Variants in SLC22A23 observed in about 807,000 individuals in gnomAD.
SLC22A23 encodes the protein ion transporter protein.
In SLC22A23, 26 loss-of-function variants were observed where a neutral mutation model predicts 61.0. The ratio of observed to expected loss-of-function variants is 0.43; its 90% confidence interval spans 0.31 to 0.59. SLC22A23 has a LOEUF of 0.59. Ranked by LOEUF, SLC22A23 falls within the 20% of genes least tolerant of loss-of-function variation. The pLI is 0.11. For missense variants in SLC22A23, 796 were observed against 934.7 expected (o/e 0.85, Z 1.94); for synonymous variants, 430 against 413.9 (o/e 1.04, Z -0.47).
intron 3 of SLC22A23, among the ~76,000 whole-genome samples, chr6:3,402,010 A>G (rs1483369274): frequency 6.6e-6 from 1 of 152,194 alleles, no homozygotes; most frequent in Non-Finnish European, 1.5e-5. Context: ...TCAGAGTAGA[A>G]TGCTTGGGCT....
At chr6:3,366,332 C>CAAAAA (rs11387672) in intron 3 of SLC22A23, among the ~76,000 whole-genome samples, 1,499 of 74,090 alleles carry the variant, frequency 0.02, 148 homozygotes, top group African/African-American at 0.07. Flanking sequence ...GACTCTGTCT[C>CAAAAA]AAAAAAAAAA....
At chr6:3,451,678 T>C (rs376538292) in intron 1 of SLC22A23, among the ~76,000 whole-genome samples, 2 of 152,210 alleles carry the variant, frequency 1.3e-5, no homozygotes, top group East Asian at 3.8e-4. Flanking sequence ...TGTTTGTCCT[T>C]AGCTCTCCAA....
intron 3 of SLC22A23, among the ~76,000 whole-genome samples, chr6:3,326,868 T>C (rs902713379): frequency 6.6e-6 from 1 of 152,218 alleles, no homozygotes; most frequent in Non-Finnish European, 1.5e-5. Context: ...AGGATTGCCA[T>C]TAATCACAAG....
intron 3 of SLC22A23, among the ~76,000 whole-genome samples, chr6:3,400,388 G>A (rs542788984): frequency 5.3e-5 from 8 of 152,316 alleles, no homozygotes; most frequent in Non-Finnish European, 1.0e-4. Flanking sequence ...AGTGGGCCTC[G>A]TGGAAGAGGA....
intron 1 of SLC22A23, among the ~76,000 whole-genome samples, chr6:3,443,206 G>A (rs1479977816): frequency 6.6e-6 from 1 of 152,248 alleles, no homozygotes; most frequent in Non-Finnish European, 1.5e-5. Context: ...CCCTTGCCTA[G>A]CTCTGCAGTG....
intron 5 of SLC22A23, chr6:3,290,860 A>G (rs1160476804): frequency 6.6e-6 from 1 of 152,258 alleles, no homozygotes; most frequent in African/African-American, 2.4e-5. Flanking sequence ...GAGCTAAAAA[A>G]GAAAAGGGAG....
intron 3 of SLC22A23, among the ~76,000 whole-genome samples, chr6:3,339,567 G>A (rs971278097): frequency 6.6e-5 from 10 of 152,150 alleles, no homozygotes; most frequent in African/African-American, 2.4e-4. Flanking sequence ...CAAAAGGCAG[G>A]TCATAAAGAC....
intron 1 of SLC22A23, among the ~76,000 whole-genome samples, chr6:3,425,418 G>A (rs947261205): frequency 6.6e-6 from 1 of 150,910 alleles, no homozygotes; most frequent in African/African-American, 2.4e-5. Context: ...CCGAGTAGCT[G>A]AGACTACAGG....
chr6:3,411,217 C>CA (rs1769217804), intron 2 of SLC22A23, among the ~76,000 whole-genome samples: 1 of 152,106 alleles, frequency 6.6e-6, no homozygotes, highest in African/African-American at 2.4e-5. Flanking sequence ...AATAAAATGG[C>CA]AACAATAACT....
At chr6:3,316,581 T>A (rs752158213) in intron 4 of SLC22A23, among the ~76,000 whole-genome samples, 18 of 152,212 alleles carry the variant, frequency 1.2e-4, no homozygotes, top group Non-Finnish European at 2.2e-4. Flanking sequence ...CTGAGAGCCC[T>A]CACTGGGGAG....
In SLC22A23 at chr6:3,271,012, A is replaced by G. The variant is rs1193217576; in HGVS notation, c.*2043T>C. The G allele has an allele frequency of 6.6e-6, 1 of 152,208 alleles. No homozygotes were observed. Among genetic ancestry groups the G allele is most frequent in the Non-Finnish European group, 1.5e-5 (1 of 68,078 alleles). The allele number at this position is 152,208 out of a possible 1,614,324, so 9.4% of individuals were successfully genotyped here. ...TCAGGGGCCTCGCTGGATCCTTCCCACCTTCCCCAACTGCCTACTGGCCTG... is the reference window on the plus strand; with the variant it reads ...TCAGGGGCCTCGCTGGATCCTTCCCGCCTTCCCCAACTGCCTACTGGCCTG... On this transcript the variant is annotated 3_prime_UTR_variant, in exon 10 of 10. Coordinates refer to ENST00000406686, the MANE Select transcript of SLC22A23 (RefSeq NM_015482.2).
intron 3 of SLC22A23, among the ~76,000 whole-genome samples, chr6:3,334,034 C>G (rs1763717726): frequency 6.6e-6 from 1 of 152,124 alleles, no homozygotes; most frequent in African/African-American, 2.4e-5. Flanking sequence ...ACATCTCAGC[C>G]CTGAGATCCT....
intron 3 of SLC22A23, among the ~76,000 whole-genome samples, chr6:3,344,323 T>C (rs1764304867): frequency 6.6e-6 from 1 of 152,208 alleles, no homozygotes; most frequent in South Asian, 2.1e-4. Context: ...ATTTCACATA[T>C]ATGGAAAAAG....
chr6:3,425,019 T>C (rs1055585308), intron 1 of SLC22A23, among the ~76,000 whole-genome samples: 4 of 152,212 alleles, frequency 2.6e-5, no homozygotes, highest in African/African-American at 9.6e-5. Context: ...GAAGTCAGAA[T>C]GCTCCCGTGT....
intron 6 of SLC22A23, among the ~76,000 whole-genome samples, chr6:3,288,386 C>T (rs961395032): frequency 6.6e-6 from 1 of 152,220 alleles, no homozygotes; most frequent in Non-Finnish European, 1.5e-5. Context: ...AGGGGGAAGC[C>T]ACCCCTTGCC....
intron 2 of SLC22A23, among the ~76,000 whole-genome samples, chr6:3,411,573 A>C (rs1769250339): frequency 1.3e-5 from 2 of 152,108 alleles, no homozygotes; most frequent in Non-Finnish European, 2.9e-5. Flanking sequence ...AACTCATTCC[A>C]TTGTGCACTT....
At chr6:3,278,012 A>G (rs1199181995) in intron 9 of SLC22A23, among the ~76,000 whole-genome samples, 1 of 152,184 alleles carries the variant, frequency 6.6e-6, no homozygotes, top group African/African-American at 2.4e-5. Context: ...GAAACAGCCT[A>G]CCAGTGCCTG....
intron 9 of SLC22A23, 98 bp from the exon 10 acceptor site, chr6:3,273,510 CCTGCTGCCCTGGGCA>C (rs1487116903): frequency 3.0e-6 from 4 of 1,334,664 alleles, no homozygotes; most frequent in Non-Finnish European, 4.2e-6. Flanking sequence ...CTGCAGGGGC[CCTGCTGCCCTGGGCA>C]CTGCCCAGTA....
chr6:3,415,697 G>T, intron 2 of SLC22A23, 55 bp downstream of exon 2: 1 of 1,253,870 alleles, frequency 8.0e-7, no homozygotes, highest in East Asian at 2.5e-5. Context: ...TCTTTAGCCA[G>T]CAAAGGCGTG....
Sources: allele counts gnomAD v4.1 joint callset (sites outside exome capture counted in the v4.1 genomes callset), GRCh38; gene constraint gnomAD v4.1.1; transcripts MANE v1.5; gene names NCBI Gene and HGNC (gene_info 2026-07-23, HGNC 2026-07-21).